Variants in ZBBX observed in about 807,000 individuals in gnomAD.
ZBBX encodes the protein zinc finger B-box domain-containing protein 1.
In ZBBX, 101 loss-of-function variants were observed where a neutral mutation model predicts 108.5. The ratio of observed to expected loss-of-function variants is 0.93; its 90% CI spans 0.79 to 1.10. The LOEUF (loss-of-function observed/expected upper bound fraction) is 1.10, where lower values mean the gene tolerates loss of function less well. Among genes scored for constraint, ZBBX ranks in the 50% least tolerant of loss-of-function variants. ZBBX has a pLI of 0.00. For synonymous variants in ZBBX, 356 were observed against 323.4 expected, an observed-to-expected ratio of 1.10 and a Z score of -1.08; for missense variants, 1,009 against 941.4, an observed-to-expected ratio of 1.07 and a Z score of -0.94.
At chr3:167,212,300 G>A in the ZBBX span, among the ~76,000 whole-genome samples, 1 of 152,116 alleles carries the variant, frequency 6.6e-6, no homozygotes, top group Admixed American at 6.5e-5. Flanking sequence ...TCACCGAGCA[G>A]TTCTTCCAGG....
Position 167,263,032 on chromosome 3 carries a change from G to GTTTTTT in ZBBX, c.2254+19205_2254+19206insAAAAAA, listed in dbSNP as rs1192290285. ...GGTTTGGTTTGTGCTTGCTTTTCTA[G>GTTTTTT]TTCTTTTTTTTTTTTTTTTTTTTGA... On this transcript the variant is annotated intron_variant, in intron 20 of 21. Coordinates refer to ENST00000675490, the MANE Select transcript of ZBBX (RefSeq NM_001199201.2). Among the ~76,000 whole-genome samples the GTTTTTT allele has an allele frequency of 5.4e-5, 6 of 111,054 alleles. 1 individual carries two copies. The highest frequency in any genetic ancestry group is 3.4e-4 in the East Asian group (1 of 2,918). The allele number at this position is 111,054 out of a possible 152,430, so 72.9% of individuals were successfully genotyped here.
At position 167,387,459 on chromosome 3, in the gene ZBBX, A is replaced by G. The variant is rs150643486; in HGVS notation, c.-445-7054T>C. ...TGATTTTCAGTCACAATGATGTTCA[A>G]TGTTGGCCTAGTCTGTTGCGTAGGA... is the stretch of plus-strand genomic sequence containing the variant. On this transcript the variant is annotated intron_variant, in intron 1 of 21. Transcript: ENST00000455345. Among the ~76,000 whole-genome samples, 595 of 152,164 alleles carry G rather than the reference A, an allele frequency of 3.9e-3. 8 individuals carry two copies. Among genetic ancestry groups the G allele is most frequent in the African/African-American group, 0.013 (554 of 41,542 alleles).
chr3:167,260,624 G>C (rs1485055688), intron 20 of ZBBX, among the ~76,000 whole-genome samples: 23 of 152,156 alleles, frequency 1.5e-4, no homozygotes, highest in Admixed American at 1.5e-3. Flanking sequence ...CTATTGCTGA[G>C]ATTTTCCAGA....
At chr3:167,294,777 A>T (rs1731329377) in intron 18 of ZBBX, among the ~76,000 whole-genome samples, 1 of 152,204 alleles carries the variant, frequency 6.6e-6, no homozygotes, top group African/African-American at 2.4e-5. Flanking sequence ...AATGGAAGAA[A>T]ATTTTGGCAA....
In ZBBX at chr3:167,240,192, A is replaced by G. The variant is rs919453384; in HGVS notation, c.*601T>C. Reference sequence around the variant, plus strand: ...TATTGTAGACCAGTCACATTTTCACATAAAGCTAATCACTACATTGACCTT... The same window carrying G: ...TATTGTAGACCAGTCACATTTTCACGTAAAGCTAATCACTACATTGACCTT... On this transcript the variant is annotated 3_prime_UTR_variant, in exon 22 of 22. Transcript: ENST00000675490. 5.9e-5 allele frequency: 9 copies of G among 152,252 alleles called. No homozygotes were observed. The highest frequency in any genetic ancestry group is 1.0e-4 in the Non-Finnish European group (7 of 68,136). The allele number at this position is 152,252 out of a possible 1,614,324, so 9.4% of individuals were successfully genotyped here. A position where few individuals can be genotyped will look rare whatever the true frequency, so the allele number is the denominator to read the frequency against.
intron 18 of ZBBX, among the ~76,000 whole-genome samples, chr3:167,292,109 G>C (rs1489146551): frequency 1.3e-5 from 2 of 151,914 alleles, no homozygotes; most frequent in Non-Finnish European, 2.9e-5. Flanking sequence ...AATAGTGGGA[G>C]ACTTTAACAC....
intron 5 of ZBBX, among the ~76,000 whole-genome samples, chr3:167,366,530 C>T (rs371992847): frequency 6.6e-6 from 1 of 151,774 alleles, no homozygotes; most frequent in Non-Finnish European, 1.5e-5. Flanking sequence ...GTTATCAAGG[C>T]AGAGAGTCCA....
At chr3:167,351,995 A>T (rs1742744798) in intron 8 of ZBBX, among the ~76,000 whole-genome samples, 1 of 152,076 alleles carries the variant, frequency 6.6e-6, no homozygotes, top group Admixed American at 6.6e-5. Flanking sequence ...GTGACCTGGG[A>T]TCAGTCCACC....
At chr3:167,252,143 T>G in intron 20 of ZBBX, 1 of 1,289,118 alleles carries the variant, frequency 7.8e-7, no homozygotes, top group Non-Finnish European at 1.0e-6. Context: ...AGTTATTTTC[T>G]GTCTTATTCT....
intron 1 of ZBBX, among the ~76,000 whole-genome samples, chr3:167,398,554 A>T (rs1748320971): frequency 6.6e-6 from 1 of 152,106 alleles, no homozygotes; most frequent in African/African-American, 2.4e-5. Context: ...GAATTTTATT[A>T]TGTAATATAT....
downstream of ZBBX, among the ~76,000 whole-genome samples, chr3:167,238,718 T>C (rs934058048): frequency 1.3e-5 from 2 of 152,076 alleles, no homozygotes; most frequent in African/African-American, 4.8e-5. Flanking sequence ...AAGGGAAAAC[T>C]GTCCTAAAAT....
chr3:167,189,190 G>A, the ZBBX span, among the ~76,000 whole-genome samples: 1 of 152,070 alleles, frequency 6.6e-6, no homozygotes, highest in Non-Finnish European at 1.5e-5. Flanking sequence ...GTACCTGTCC[G>A]CTATATCCTC....
chr3:167,399,881 G>A (rs576866582), intron 1 of ZBBX, among the ~76,000 whole-genome samples: 8 of 151,988 alleles, frequency 5.3e-5, no homozygotes, highest in African/African-American at 1.9e-4. Context: ...TCCTCTAGTA[G>A]TCCTCAGCAT....
the ZBBX span, among the ~76,000 whole-genome samples, chr3:167,221,274 A>T: frequency 0.05 from 2,006 of 40,218 alleles, 53 homozygotes; most frequent in African/African-American, 0.19. Context: ...TATACTACAG[A>T]GCTGTAGTAA....
chr3:167,295,472 T>G (rs1162753731), intron 18 of ZBBX, among the ~76,000 whole-genome samples: 5 of 151,478 alleles, frequency 3.3e-5, no homozygotes, highest in Admixed American at 6.6e-5. Context: ...TTCCCACTCA[T>G]AAGTGGGAGT....
intron 16 of ZBBX, 79 bp downstream of exon 16, chr3:167,313,895 T>A (rs1325733328): frequency 3.8e-5 from 50 of 1,323,546 alleles, no homozygotes; most frequent in Non-Finnish European, 4.5e-5. Context: ...ATGAACAGCA[T>A]AACAAAGCTT....
At position 167,365,877 on chromosome 3, in the gene ZBBX, T is replaced by A. The variant is rs767527789; in HGVS notation, c.273+9A>T. ...CAAAATGCATAAGAATCAAATAGTA[T>A]CTTCTTACCTTAACAACATTTCCTT... is the stretch of plus-strand genomic sequence containing the variant. On this transcript the variant is annotated intron_variant, in intron 6 of 21. Transcript: ENST00000675490. 1 of 1,584,366 alleles carries A rather than the reference T, an allele frequency of 6.3e-7. No homozygotes were observed. The highest frequency in any genetic ancestry group is 8.6e-7 in the Non-Finnish European group (1 of 1,158,616).
chr3:167,302,232 G>T (rs1418946892), intron 17 of ZBBX, among the ~76,000 whole-genome samples: 1 of 151,960 alleles, frequency 6.6e-6, no homozygotes, highest in Non-Finnish European at 1.5e-5. Context: ...TATTTGTATT[G>T]ATCAAATCTT....
At chr3:167,289,048 T>C in intron 18 of ZBBX, 65 bp from the exon 19 acceptor site, 1 of 1,100,102 alleles carries the variant, frequency 9.1e-7, no homozygotes, top group Non-Finnish European at 1.3e-6. Context: ...TTATTAGTTT[T>C]ATATTTATGT....
Sources: gnomAD v4.1 joint callset for allele counts (sites outside exome capture counted in the v4.1 genomes callset) on GRCh38, gnomAD v4.1.1 for gene constraint, MANE v1.5 for transcripts, NCBI Gene and HGNC (gene_info 2026-07-23, HGNC 2026-07-21) for gene names.